SEL1L: variants seen among roughly 807,000 people sequenced by gnomAD.
SEL1L encodes the protein protein sel-1 homolog 1.
A neutral mutation model predicts 109.8 loss-of-function variants in SEL1L; 52 were observed. That is an observed-to-expected ratio of 0.47 (90% confidence interval 0.38 to 0.60). The LOEUF (loss-of-function observed/expected upper bound fraction) is 0.60, where lower values mean the gene tolerates loss of function less well. Among genes scored for constraint, SEL1L ranks in the 20% least tolerant of loss-of-function variants. SEL1L has a pLI of 0.00. For missense variants in SEL1L, 749 were observed against 962.2 expected (o/e 0.78, Z 2.93); for synonymous variants, 373 against 339.6 (o/e 1.10, Z -1.08).
intron 12 of SEL1L, among the ~76,000 whole-genome samples, chr14:81,491,658 A>G (rs1177032637): frequency 6.6e-6 from 1 of 152,232 alleles, no homozygotes; most frequent in Non-Finnish European, 1.5e-5. Flanking sequence ...TATAAGTGAA[A>G]ATACCCATTG....
chr14:81,485,857 G>A (rs1454149207), intron 17 of SEL1L, 111 bp from the exon 18 acceptor site: 4 of 858,816 alleles, frequency 4.7e-6, no homozygotes, highest in Non-Finnish European at 7.4e-6. Flanking sequence ...ACAAGAATTA[G>A]GATATAAAAA....
At position 81,506,253 on chromosome 14, in the gene SEL1L, A is replaced by T. The variant is rs1454342709; in HGVS notation, c.341-12T>A. The stretch of plus-strand genomic sequence containing the variant: ...AATGGCGGTCAAAGCTGGAATGACA[A>T]GAAATAAAAATCTAAACATGAAACA... On this transcript the variant is annotated splice_polypyrimidine_tract_variant and intron_variant, in intron 3 of 20. Transcript: ENST00000336735. 1 of 1,569,022 alleles carries T rather than the reference A, an allele frequency of 6.4e-7. No homozygotes were observed. The highest frequency in any genetic ancestry group is 8.6e-7 in the Non-Finnish European group (1 of 1,159,782).
intron 18 of SEL1L, among the ~76,000 whole-genome samples, 171 bp downstream of exon 18, chr14:81,485,501 G>T (rs891924152): frequency 1.3e-5 from 2 of 151,492 alleles, no homozygotes; most frequent in Non-Finnish European, 2.9e-5. Flanking sequence ...GGCCAGGCTG[G>T]TTTCGGTTTC....
chr14:81,484,479 A>G, intron 18 of SEL1L, 82 bp from the exon 19 acceptor site: 3 of 1,269,190 alleles, frequency 2.4e-6, no homozygotes, highest in Non-Finnish European at 3.3e-6. Context: ...TCCCATTGAC[A>G]TGCTTACATA....
intron 11 of SEL1L, among the ~76,000 whole-genome samples, chr14:81,494,821 T>C (rs1383559436): frequency 6.6e-6 from 1 of 152,216 alleles, no homozygotes; most frequent in African/African-American, 2.4e-5. Context: ...CCTATTAAAG[T>C]TAAAGCTCCA....
intron 3 of SEL1L, among the ~76,000 whole-genome samples, chr14:81,523,150 TAGAG>T (rs1884989039): frequency 6.6e-6 from 1 of 152,170 alleles, no homozygotes; most frequent in Non-Finnish European, 1.5e-5. Flanking sequence ...TGGAGGTTCC[TAGAG>T]AGCCTTGGGA....
intron 3 of SEL1L, among the ~76,000 whole-genome samples, chr14:81,510,551 A>G (rs1355277868): frequency 6.7e-6 from 1 of 150,160 alleles, no homozygotes; most frequent in African/African-American, 2.5e-5. Flanking sequence ...GGCTAGGGGA[A>G]TATAAGCACA....
At chr14:81,486,187 A>T in intron 17 of SEL1L, 102 bp downstream of exon 17, 1 of 1,134,156 alleles carries the variant, frequency 8.8e-7, no homozygotes, top group Non-Finnish European at 1.3e-6. Context: ...TTACAATAAT[A>T]AAGAATGTTT....
At chr14:81,511,073 C>T (rs1310499768) in intron 3 of SEL1L, among the ~76,000 whole-genome samples, 2 of 152,118 alleles carry the variant, frequency 1.3e-5, no homozygotes, top group African/African-American at 4.8e-5. Context: ...GGGGAAAATA[C>T]CAATGGTATG....
chr14:81,476,972 T>C lies in SEL1L; in HGVS notation c.2385A>G (p.Ter795=). ...TGATCAAGGCTGGACCCAGTGCCTA[T>C]TACTGTGGTGGCTGCTGCTCTGGTG... ...EGPPEQQPPQ[*] The change falls in exon 21 of 21, where the codon TAA becomes TAG. Residue 795 remains the stop codon, a stop_retained_variant. Coordinates refer to ENST00000336735, the MANE Select transcript of SEL1L (RefSeq NM_005065.6). The C allele has an allele frequency of 1.2e-6, 2 of 1,614,190 alleles. No homozygotes were observed. The highest frequency in any genetic ancestry group is 1.7e-6 in the Non-Finnish European group (2 of 1,180,030).
Position 81,499,676 on chromosome 14 carries a change from T to C in SEL1L, c.778-14A>G. 10 of 1,597,454 alleles carry C rather than the reference T, an allele frequency of 6.3e-6. No homozygotes were observed. The highest frequency in any genetic ancestry group is 8.5e-6 in the Non-Finnish European group (10 of 1,175,522). ...AAAGCCAAGAGCCTGAAATAGATGATAAAAGTAAGAAATCTTGCTTTGGTG... is the reference window on the plus strand; with the variant it reads ...AAAGCCAAGAGCCTGAAATAGATGACAAAAGTAAGAAATCTTGCTTTGGTG... On this transcript the variant is annotated splice_polypyrimidine_tract_variant and intron_variant, in intron 6 of 20. Coordinates refer to ENST00000336735, the MANE Select transcript of SEL1L (RefSeq NM_005065.6).
intron 3 of SEL1L, among the ~76,000 whole-genome samples, chr14:81,511,227 G>A (rs1025864212): frequency 6.6e-6 from 1 of 152,208 alleles, no homozygotes; most frequent in African/African-American, 2.4e-5. Context: ...GTATTCATAT[G>A]CAGAATGAAC....
intron 13 of SEL1L, 86 bp from the exon 14 acceptor site, chr14:81,489,400 A>G: frequency 9.1e-7 from 1 of 1,093,700 alleles, no homozygotes; most frequent in Non-Finnish European, 1.4e-6. Context: ...TAAATCATTT[A>G]TAAGCATATT....
intron 19 of SEL1L, among the ~76,000 whole-genome samples, chr14:81,481,736 T>TA (rs1056165857): frequency 1.2e-4 from 19 of 152,088 alleles, no homozygotes; most frequent in African/African-American, 3.6e-4. Context: ...CGATGTCTTA[T>TA]AAAAAAAGTA....
At chr14:81,489,432 T>C in intron 13 of SEL1L, 118 bp from the exon 14 acceptor site, 1 of 806,862 alleles carries the variant, frequency 1.2e-6, no homozygotes, top group East Asian at 2.6e-5. Context: ...CTTAGTACTT[T>C]TCAATTCAAA....
intron 3 of SEL1L, among the ~76,000 whole-genome samples, chr14:81,513,164 A>G (rs1442013853): frequency 6.6e-6 from 1 of 152,252 alleles, no homozygotes; most frequent in Non-Finnish European, 1.5e-5. Flanking sequence ...CGCACCAATC[A>G]GCTCTCTGTA....
At chr14:81,507,753 C>G (rs1209891862) in intron 3 of SEL1L, among the ~76,000 whole-genome samples, 3 of 151,482 alleles carry the variant, frequency 2.0e-5, no homozygotes, top group African/African-American at 4.9e-5. Context: ...ATGAGAAGAC[C>G]AGAGGTCCAG....
At chr14:81,477,247 A>G (rs1595499027) in intron 20 of SEL1L, 66 bp from the exon 21 acceptor site, 1 of 1,283,422 alleles carries the variant, frequency 7.8e-7, no homozygotes, top group East Asian at 2.4e-5. Flanking sequence ...TGGGAAAGTT[A>G]CATCACCAGA....
intron 2 of SEL1L, 102 bp downstream of exon 2, chr14:81,527,599 C>A: frequency 1.3e-6 from 1 of 752,166 alleles, no homozygotes; most frequent in Non-Finnish European, 2.1e-6. Flanking sequence ...TTTAATTCAA[C>A]TGTTACTCAA....
Sources: gnomAD v4.1 joint callset for allele counts (sites outside exome capture counted in the v4.1 genomes callset) on GRCh38, gnomAD v4.1.1 for gene constraint, MANE v1.5 for transcripts, NCBI Gene and HGNC (gene_info 2026-07-23, HGNC 2026-07-21) for gene names.